SENP7: variants seen among roughly 807,000 people sequenced by gnomAD.
The protein encoded by SENP7 is SUMO specific peptidase 7.
In SENP7, 64 loss-of-function variants were observed where a neutral mutation model predicts 141.2. The ratio of observed to expected loss-of-function variants is 0.45; its 90% CI spans 0.37 to 0.56. The LOEUF is 0.56. SENP7 is among the 20% of genes least tolerant of loss of function. SENP7 has a pLI of 0.00. For missense variants in SENP7, 1,025 were observed against 1,212.2 expected (o/e 0.85, Z 2.29); for synonymous variants, 382 against 426.4 (o/e 0.90, Z 1.28).
intron 14 of SENP7, 115 bp downstream of exon 14, chr3:101,343,571 G>T: frequency 2.0e-6 from 2 of 981,084 alleles, no homozygotes; most frequent in South Asian, 4.2e-5. Context: ...GTTCTTTTGG[G>T]TTGGTTCCTA....
At chr3:101,356,325 A>C (rs2059741810) in intron 11 of SENP7, among the ~76,000 whole-genome samples, 1 of 152,160 alleles carries the variant, frequency 6.6e-6, no homozygotes, top group South Asian at 2.1e-4. Flanking sequence ...AATTTCTAAT[A>C]TCTCTGATGC....
At chr3:101,451,222 T>G (rs1024694779) in intron 4 of SENP7, among the ~76,000 whole-genome samples, 4 of 152,104 alleles carry the variant, frequency 2.6e-5, no homozygotes, top group Admixed American at 2.6e-4. Flanking sequence ...AGGCAATAAT[T>G]AGTAGCTTAC....
At chr3:101,383,984 T>G (rs1026875474) in intron 6 of SENP7, among the ~76,000 whole-genome samples, 1 of 152,170 alleles carries the variant, frequency 6.6e-6, no homozygotes, top group Non-Finnish European at 1.5e-5. Flanking sequence ...TATGGACCAA[T>G]AAGCGTGCAC....
chr3:101,357,727 A>G, intron 11 of SENP7: 1 of 677,278 alleles, frequency 1.5e-6, no homozygotes, highest in Non-Finnish European at 2.7e-6. Context: ...TTTCAAAGTC[A>G]AACAGACATA....
intron 5 of SENP7, among the ~76,000 whole-genome samples, chr3:101,400,662 CCTAT>C (rs1038334724): frequency 6.6e-6 from 1 of 151,630 alleles, no homozygotes; most frequent in African/African-American, 2.4e-5. Flanking sequence ...CAACCATTCC[CCTAT>C]CTCTCTCTCT....
intron 5 of SENP7, among the ~76,000 whole-genome samples, chr3:101,405,246 A>C (rs2061265420): frequency 6.6e-6 from 1 of 152,204 alleles, no homozygotes; most frequent in African/African-American, 2.4e-5. Context: ...TAGATGGTTC[A>C]GGTCACAAGA....
rs1484072226 is a variant in SENP7 at position 101,325,158 on chromosome 3, A to G, written c.*785T>C. 6.6e-6 allele frequency: 1 copy of G among 152,072 alleles called. No homozygotes were observed. Among genetic ancestry groups the G allele is most frequent in the East Asian group, 1.9e-4 (1 of 5,196 alleles). The allele number at this position is 152,072 out of a possible 1,614,324, so 9.4% of individuals were successfully genotyped here. A position where few individuals can be genotyped will look rare whatever the true frequency, so the allele number is the denominator to read the frequency against. On this transcript the variant is annotated 3_prime_UTR_variant, in exon 24 of 24. Coordinates refer to ENST00000394095, the MANE Select transcript of SENP7 (RefSeq NM_020654.5). ...AAATTCCGTGATAATGTGAGTGAAT[A>G]TTTATATAGCAGTACCTCAAGTTGA... is the stretch of plus-strand genomic sequence containing the variant.
chr3:101,435,203 T>C (rs1182779249), intron 4 of SENP7, among the ~76,000 whole-genome samples: 1 of 145,846 alleles, frequency 6.9e-6, no homozygotes, highest in Non-Finnish European at 1.5e-5. Context: ...TGAAAAACCA[T>C]TTGATAAAAT....
chr3:101,505,387 T>C (rs936181075), intron 1 of SENP7, among the ~76,000 whole-genome samples: 1 of 152,234 alleles, frequency 6.6e-6, no homozygotes, highest in African/African-American at 2.4e-5. Flanking sequence ...TGTCAGTTTC[T>C]TAAATTTTAA....
At chr3:101,463,364 A>AATATATATAT (rs71625265) in intron 3 of SENP7, among the ~76,000 whole-genome samples, 291 of 89,072 alleles carry the variant, frequency 3.3e-3, no homozygotes, top group South Asian at 4.0e-3. Context: ...TAAATAAATA[A>AATATATATAT]ATATATATAT....
chr3:101,334,070 T>C (rs538128020), intron 17 of SENP7, among the ~76,000 whole-genome samples: 1 of 152,286 alleles, frequency 6.6e-6, no homozygotes, highest in South Asian at 2.1e-4. Context: ...ACTGATCTGA[T>C]AGGAGGCAGA....
chr3:101,392,407 G>A (rs1029649925), intron 6 of SENP7, among the ~76,000 whole-genome samples: 5 of 151,964 alleles, frequency 3.3e-5, no homozygotes, highest in Middle Eastern at 3.2e-3. Context: ...TACCAGCAAC[G>A]AACTAGCTGG....
At chr3:101,341,810 A>C in intron 14 of SENP7, 31 bp from the exon 15 acceptor site, 2 of 1,544,936 alleles carry the variant, frequency 1.3e-6, no homozygotes, top group Non-Finnish European at 1.8e-6. Flanking sequence ...AAAGGGTCTC[A>C]AACATCATAA....
rs750238993 is a variant in SENP7, at chr3:101,328,629, T to C, written c.2795+17A>G. 6 of 1,603,810 alleles carry C rather than the reference T, an allele frequency of 3.7e-6. No individual in the cohort carries two copies. Among genetic ancestry groups the C allele is most frequent in the South Asian group, 2.2e-5 (2 of 90,804 alleles). ...AATACCTCAAAAAACTGTATTATTA[T>C]TACAGCATGTACCTACCTTTTACAC... On this transcript the variant is annotated intron_variant, in intron 21 of 23. Transcript: ENST00000394095.
At chr3:101,469,868 CA>C (rs1298842793) in intron 3 of SENP7, among the ~76,000 whole-genome samples, 2 of 137,416 alleles carry the variant, frequency 1.5e-5, no homozygotes, top group African/African-American at 5.4e-5. Context: ...GAAATCACAA[CA>C]AACTGTCTCT....
At chr3:101,342,961 C>T (rs1333984889) in intron 14 of SENP7, among the ~76,000 whole-genome samples, 3 of 152,040 alleles carry the variant, frequency 2.0e-5, no homozygotes, top group Admixed American at 6.6e-5. Context: ...CCACTGCGTC[C>T]GGCCAACCTT....
intron 4 of SENP7, among the ~76,000 whole-genome samples, chr3:101,451,506 C>T (rs1407665956): frequency 2.0e-5 from 3 of 152,186 alleles, no homozygotes; most frequent in Non-Finnish European, 4.4e-5. Context: ...CATCAAGAAG[C>T]TTATCCACCA....
At chr3:101,436,445 T>C (rs1318504492) in intron 4 of SENP7, among the ~76,000 whole-genome samples, 1 of 152,020 alleles carries the variant, frequency 6.6e-6, no homozygotes, top group Non-Finnish European at 1.5e-5. Flanking sequence ...GTTAAAAAGC[T>C]TCTGTACATG....
rs533323171 is a variant in SENP7, at chr3:101,348,911, G to A, written c.1658-860C>T. Among the ~76,000 whole-genome samples, 3 of 152,126 alleles carry A rather than the reference G, an allele frequency of 2.0e-5. No homozygotes were observed. The South Asian group carries it at 6.2e-4, about 32-fold the overall frequency. ...TCAGTCAAGCGTAAACCCAAGATGG[G>A]CACCTATTTGAAACACACCTCTTAG... On this transcript the variant is annotated intron_variant, in intron 12 of 23. Coordinates refer to ENST00000394095, the MANE Select transcript of SENP7 (RefSeq NM_020654.5).
Sources: gnomAD v4.1 joint callset for allele counts (sites outside exome capture counted in the v4.1 genomes callset) on GRCh38, gnomAD v4.1.1 for gene constraint, MANE v1.5 for transcripts, NCBI Gene and HGNC (gene_info 2026-07-23, HGNC 2026-07-21) for gene names.